Variants in NLGN1 observed in about 807,000 individuals in gnomAD.
The protein encoded by NLGN1 is neuroligin-1.
NLGN1 carries 12 observed loss-of-function variants against 65.5 expected under a neutral mutation model. That is an observed-to-expected ratio of 0.18 (90% CI 0.12 to 0.30). The LOEUF (loss-of-function observed/expected upper bound fraction) is 0.30. Ranked by LOEUF, NLGN1 falls within the 10% of genes least tolerant of loss-of-function variation. The probability of loss-of-function intolerance (pLI) is 1.00; values close to 1 mark genes in which losing one functional copy is unlikely to be tolerated. For missense variants in NLGN1, 750 were observed against 1,007.1 expected, an observed-to-expected ratio of 0.74 and a Z score of 3.46; for synonymous variants, 350 against 359.5, an observed-to-expected ratio of 0.97 and a Z score of 0.30.
At chr3:173,920,580 A>G (rs1398615738) in intron 4 of NLGN1, 2 of 152,100 alleles carry the variant, frequency 1.3e-5, no homozygotes, top group Admixed American at 6.5e-5. Flanking sequence ...GAGAATGCAT[A>G]TGAGTCATCA....
At chr3:173,596,661 A>T (rs1201255353) in intron 2 of NLGN1, among the ~76,000 whole-genome samples, 1 of 152,200 alleles carries the variant, frequency 6.6e-6, no homozygotes, top group Non-Finnish European at 1.5e-5. Context: ...ATGGCAGAGT[A>T]AACTTGTCAC....
At chr3:173,421,810 C>T (rs758963226) in intron 1 of NLGN1, among the ~76,000 whole-genome samples, 1 of 152,114 alleles carries the variant, frequency 6.6e-6, no homozygotes, top group African/African-American at 2.4e-5. Context: ...CATGAGCTAC[C>T]ACACCTGGCC....
intron 4 of NLGN1, among the ~76,000 whole-genome samples, chr3:174,246,104 T>C (rs1386953689): frequency 1.3e-5 from 2 of 152,190 alleles, no homozygotes; most frequent in African/African-American, 4.8e-5. Flanking sequence ...CTCAAACAAA[T>C]ATTCTAGGAA....
chr3:173,461,034 A>T (rs1210184591), intron 2 of NLGN1, among the ~76,000 whole-genome samples: 1 of 152,190 alleles, frequency 6.6e-6, no homozygotes, highest in Non-Finnish European at 1.5e-5. Context: ...AGACAATAGT[A>T]TGGAGAGACA....
intron 4 of NLGN1, among the ~76,000 whole-genome samples, chr3:174,146,132 CCTTCCTTCCTTCCTTCCTTCCTCT>C (rs1723209183): frequency 6.8e-6 from 1 of 147,478 alleles, no homozygotes; most frequent in Non-Finnish European, 1.5e-5. Flanking sequence ...TTCCTTCCTT[CCTTCCTTCCTTCCTTCCTTCCTCT>C]CTCCCTCCCT....
intron 3 of NLGN1, among the ~76,000 whole-genome samples, chr3:173,622,333 C>A (rs1577585991): frequency 6.6e-6 from 1 of 152,104 alleles, no homozygotes; most frequent in African/African-American, 2.4e-5. Flanking sequence ...CAGTGAAAGC[C>A]ACATGTCTTG....
chr3:174,176,253 T>G lies in NLGN1; in HGVS notation c.647-99062T>G, dbSNP rs1488096955. ...CTAATTTAGATCTAATGAAATATAT[T>G]TAAATGAAATGTAGAAAGTACTCAA... On this transcript the variant is annotated intron_variant, in intron 4 of 6. Coordinates refer to ENST00000457714, the Ensembl canonical transcript of NLGN1. Among the ~76,000 whole-genome samples the G allele has an allele frequency of 2.2e-4, 34 of 151,946 alleles. No individual in the cohort carries two copies. The Admixed American group carries it at 2.2e-3, about 10-fold the overall frequency.
At chr3:173,768,825 G>A (rs1560330531) in intron 3 of NLGN1, among the ~76,000 whole-genome samples, 1 of 152,074 alleles carries the variant, frequency 6.6e-6, no homozygotes, top group Non-Finnish European at 1.5e-5. Context: ...AGGCTGGAGT[G>A]CAGTGGTGTG....
chr3:173,620,547 G>A (rs1458913705), intron 3 of NLGN1, among the ~76,000 whole-genome samples: 1 of 151,988 alleles, frequency 6.6e-6, no homozygotes, highest in African/African-American at 2.4e-5. Flanking sequence ...AAAATTAGAG[G>A]AGAAAAAGGG....
chr3:173,542,700 T>C (rs1378161207), intron 2 of NLGN1, among the ~76,000 whole-genome samples: 1 of 152,016 alleles, frequency 6.6e-6, no homozygotes, highest in African/African-American at 2.4e-5. Context: ...TATGAGGACT[T>C]CTCTTTAGAG....
chr3:174,087,103 C>A (rs892095480), intron 4 of NLGN1, among the ~76,000 whole-genome samples: 1 of 152,066 alleles, frequency 6.6e-6, no homozygotes, highest in Non-Finnish European at 1.5e-5. Flanking sequence ...GGGAACAATA[C>A]ACACTGGAGC....
At chr3:174,013,486 G>T (rs2152445305) in intron 4 of NLGN1, among the ~76,000 whole-genome samples, 1 of 152,276 alleles carries the variant, frequency 6.6e-6, no homozygotes, top group South Asian at 2.1e-4. Context: ...CAGTAAGTGA[G>T]AGCTTATCTT....
intron 4 of NLGN1, among the ~76,000 whole-genome samples, chr3:173,986,490 TAAATA>T (rs767771535): frequency 1.3e-5 from 2 of 151,146 alleles, no homozygotes; most frequent in Non-Finnish European, 3.0e-5. Flanking sequence ...AAATAAATAA[TAAATA>T]AAAAGGATGG....
At chr3:174,162,583 G>T (rs917537924) in intron 4 of NLGN1, among the ~76,000 whole-genome samples, 5 of 151,764 alleles carry the variant, frequency 3.3e-5, no homozygotes, top group Non-Finnish European at 5.9e-5. Context: ...ATTTAATCAA[G>T]ATTTTATATT....
At chr3:173,912,366 G>A (rs981051918) in intron 4 of NLGN1, among the ~76,000 whole-genome samples, 1 of 152,142 alleles carries the variant, frequency 6.6e-6, no homozygotes, top group Admixed American at 6.6e-5. Context: ...AGTCAGATAT[G>A]AATTTCAAAT....
intron 2 of NLGN1, among the ~76,000 whole-genome samples, chr3:173,437,053 G>A (rs888606017): frequency 3.3e-5 from 5 of 152,156 alleles, no homozygotes; most frequent in Admixed American, 1.3e-4. Context: ...CTGCATGACT[G>A]ACTCAGACAT....
At chr3:173,487,872 TATTTTCAATG>T (rs1179844267) in intron 2 of NLGN1, among the ~76,000 whole-genome samples, 68 of 152,054 alleles carry the variant, frequency 4.5e-4, no homozygotes, top group African/African-American at 1.6e-3. Flanking sequence ...AAGCAGCTGT[TATTTTCAATG>T]CATTTTAAGT....
At chr3:173,543,173 T>C (rs1739182370) in intron 2 of NLGN1, among the ~76,000 whole-genome samples, 1 of 152,170 alleles carries the variant, frequency 6.6e-6, no homozygotes, top group Admixed American at 6.6e-5. Flanking sequence ...GTAAGAAAAC[T>C]ATGTTTTTGA....
rs1055428316 is a variant in NLGN1 at position 173,858,029 on chromosome 3, A to G, written c.646+50197A>G. Among the ~76,000 whole-genome samples the G allele has an allele frequency of 8.1e-5, 12 of 147,648 alleles. No individual in the cohort carries two copies. In the Admixed American group the frequency reaches 8.2e-4, roughly 10 times the overall value. On this transcript the variant is annotated intron_variant, in intron 4 of 6. Coordinates refer to ENST00000457714, the Ensembl canonical transcript of NLGN1. ...ACAATTACTAAAAATTGCTACTAGA[A>G]TGAATATATTTAAAAATATGCTTAA...
Sources: gnomAD v4.1 joint callset for allele counts (sites outside exome capture counted in the v4.1 genomes callset) on GRCh38, gnomAD v4.1.1 for gene constraint, MANE v1.5 for transcripts, NCBI Gene and HGNC (gene_info 2026-07-23, HGNC 2026-07-21) for gene names.